SLC16A14: variants seen among roughly 807,000 people sequenced by gnomAD.
The protein encoded by SLC16A14 is solute carrier family 16 member 14.
SLC16A14 carries 14 observed loss-of-function variants against 35.8 expected under a neutral mutation model. The observed-to-expected ratio is 0.39, with a 90% confidence interval of 0.26 to 0.61. SLC16A14 has a LOEUF of 0.61. Among genes scored for constraint, SLC16A14 ranks in the 20% least tolerant of loss-of-function variants. The probability of loss-of-function intolerance (pLI) is 0.51; values close to 1 mark genes in which losing one functional copy is unlikely to be tolerated. For synonymous variants in SLC16A14, 248 were observed against 258.9 expected (o/e 0.96, Z 0.40); for missense variants, 533 against 655.0 (o/e 0.81, Z 2.03).
chr2:230,062,201 C>G (rs1367434678), intron 1 of SLC16A14, among the ~76,000 whole-genome samples: 2 of 152,090 alleles, frequency 1.3e-5, no homozygotes, highest in African/African-American at 4.8e-5. Flanking sequence ...GTGTCAAAGG[C>G]ACTAAGAAGT....
At position 230,046,300 on chromosome 2, in the gene SLC16A14, T is replaced by C; in HGVS notation, c.826A>G (p.Asn276Asp). 2.5e-6 allele frequency: 4 copies of C among 1,614,200 alleles called. No individual in the cohort carries two copies. The South Asian group carries it at 3.3e-5, about 13-fold the overall frequency. ...TTCAGAATCCGGAGGGCACACATGT[T>C]CTTCCTGTGCCCGGCCTGATCGGGG... Reference protein sequence around the residue: ...ECPDQAGHRKNMCALRILKTV... With the variant: ...ECPDQAGHRKDMCALRILKTV... The change falls in exon 4 of 5, where the codon AAC becomes GAC. Residue 276 changes from asparagine (N) to aspartate (D), a missense_variant. Coordinates refer to ENST00000295190, the MANE Select transcript of SLC16A14 (RefSeq NM_152527.5). The surrounding 1 kb of genome is among the most constrained non-coding windows in gnomAD (Gnocchi z 5.0).
Position 230,037,287 on chromosome 2 carries a change from T to C in SLC16A14, c.*93A>G. ...TGACAGTGCCAGTTACCGTACAAAA[T>C]GCTTTCCCACGTCCTGTCATAGGTG... is the stretch of plus-strand genomic sequence containing the variant. On this transcript the variant is annotated 3_prime_UTR_variant, in exon 5 of 5. Coordinates refer to ENST00000295190, the MANE Select transcript of SLC16A14 (RefSeq NM_152527.5). 8.0e-7 allele frequency: 1 copy of C among 1,243,672 alleles called. No homozygotes were observed. Among genetic ancestry groups the C allele is most frequent in the African/African-American group, 1.5e-5 (1 of 65,486 alleles). The allele number at this position is 1,243,672 out of a possible 1,614,324, so 77.0% of individuals were successfully genotyped here. A position where few individuals can be genotyped will look rare whatever the true frequency, so the allele number is the denominator to read the frequency against.
intron 4 of SLC16A14, among the ~76,000 whole-genome samples, chr2:230,042,277 G>T (rs2077567163): frequency 6.6e-6 from 1 of 152,142 alleles, no homozygotes; most frequent in South Asian, 2.1e-4. Flanking sequence ...ATGACTGAGG[G>T]TTGAGTATAA....
In SLC16A14 at chr2:230,059,194, G is replaced by C; in HGVS notation, c.159C>G (p.Ala53=). ...VHILIMGSQM[A]LGVLNVEWLE... ...GCCATTCCACGTTGAGGACACCCAG[G>C]GCCATCTGGGAGCCCATGATGAGGA... The change falls in exon 2 of 5, where the codon GCC becomes GCG. Residue 53 remains alanine (A), a synonymous_variant. Coordinates refer to ENST00000295190, the MANE Select transcript of SLC16A14 (RefSeq NM_152527.5). The C allele has an allele frequency of 6.2e-7, 1 of 1,614,160 alleles. No homozygotes were observed. Among genetic ancestry groups the C allele is most frequent in the Non-Finnish European group, 8.5e-7 (1 of 1,180,034 alleles).
chr2:230,045,096 G>A (rs1386423997), intron 4 of SLC16A14, among the ~76,000 whole-genome samples: 1 of 152,116 alleles, frequency 6.6e-6, no homozygotes, highest in Admixed American at 6.6e-5. Flanking sequence ...AGTATTTCTT[G>A]GTGACAAAAA....
intron 1 of SLC16A14, among the ~76,000 whole-genome samples, chr2:230,067,873 G>C (rs569254693): frequency 1.3e-5 from 2 of 152,286 alleles, no homozygotes; most frequent in African/African-American, 4.8e-5. Context: ...TGCGCGCCCT[G>C]GGTGCGGGAT....
chr2:230,067,405 C>G (rs1314246397), intron 1 of SLC16A14, among the ~76,000 whole-genome samples: 4 of 152,162 alleles, frequency 2.6e-5, no homozygotes, highest in Non-Finnish European at 5.9e-5. Flanking sequence ...TCTGAGCCAT[C>G]AAATGGGAGC....
intron 4 of SLC16A14, among the ~76,000 whole-genome samples, chr2:230,042,055 C>G (rs868147110): frequency 2.0e-5 from 3 of 152,188 alleles, no homozygotes; most frequent in African/African-American, 7.2e-5. Flanking sequence ...AAGAAACCAA[C>G]AAATGCAAAT....
At chr2:230,052,097 T>C (rs1028364196) in intron 2 of SLC16A14, among the ~76,000 whole-genome samples, 2 of 152,034 alleles carry the variant, frequency 1.3e-5, no homozygotes, top group African/African-American at 4.8e-5. Flanking sequence ...CCACCATGCC[T>C]GGCTAATTTT....
chr2:230,037,534 A>G lies in SLC16A14; in HGVS notation c.1382-3T>C. ...TTGCGTGATGTCATAGATCCACCCT[A>G]CAAAACAAAAAAGAATATATTCAGT... is the stretch of plus-strand genomic sequence containing the variant. On this transcript the variant is annotated splice_polypyrimidine_tract_variant and splice_region_variant and intron_variant, in intron 4 of 4. Coordinates refer to ENST00000295190, the MANE Select transcript of SLC16A14 (RefSeq NM_152527.5). 6.3e-7 allele frequency: 1 copy of G among 1,593,996 alleles called. No homozygotes were observed. The highest frequency in any genetic ancestry group is 1.8e-5 in the Admixed American group (1 of 54,246).
intron 2 of SLC16A14, among the ~76,000 whole-genome samples, chr2:230,056,575 C>G (rs1260337553): frequency 6.6e-6 from 1 of 151,820 alleles, no homozygotes; most frequent in African/African-American, 2.4e-5. Context: ...TTTGTATTAT[C>G]AAAAATAACA....
Position 230,045,992 on chromosome 2 carries a change from G to A in SLC16A14, c.1134C>T (p.Cys378=), listed in dbSNP as rs2077602909. 1 of 1,613,752 alleles carries A rather than the reference G, an allele frequency of 6.2e-7. No individual in the cohort carries two copies. The highest frequency in any genetic ancestry group is 8.5e-7 in the Non-Finnish European group (1 of 1,179,736). The part of the protein sequence containing the change: ...VILGVIADLP[C]ISVWNVFLLA... ...ACAGGAAGACATTCCAAACACTAAT[G>A]CAAGGCAAGTCGGCTATGACGCCCA... is the stretch of plus-strand genomic sequence containing the variant. The change falls in exon 4 of 5, where the codon TGC becomes TGT. Residue 378 remains cysteine, a synonymous_variant. Coordinates refer to ENST00000295190, the MANE Select transcript of SLC16A14 (RefSeq NM_152527.5).
intron 1 of SLC16A14, chr2:230,067,208 G>A (rs1206688892): frequency 6.5e-6 from 1 of 154,426 alleles, no homozygotes; most frequent in Non-Finnish European, 1.4e-5. Flanking sequence ...GGCTGCCGCG[G>A]AGAAGGCTGG....
chr2:230,049,631 T>C, intron 3 of SLC16A14, 130 bp downstream of exon 3: 1 of 920,898 alleles, frequency 1.1e-6, no homozygotes, highest in Admixed American at 2.4e-5. Context: ...TAGGGAGGGG[T>C]TGGGGTGAAG....
rs550612460 is a variant in SLC16A14, at chr2:230,054,844, G to A, written c.259+4250C>T. ...CAGGAGGCAGAGGTTGCAGTGAGCC[G>A]AGATCGTGCCACTGCACTCCAGCCT... On this transcript the variant is annotated intron_variant, in intron 2 of 4. Coordinates refer to ENST00000295190, the MANE Select transcript of SLC16A14 (RefSeq NM_152527.5). 2.9e-3 allele frequency among the ~76,000 whole-genome samples: 441 copies of A among 150,844 alleles called. 2 individuals carry two copies. The highest frequency in any genetic ancestry group is 0.018 in the South Asian group (87 of 4,768).
intron 1 of SLC16A14, among the ~76,000 whole-genome samples, chr2:230,064,826 C>A (rs1223291222): frequency 1.3e-5 from 2 of 152,072 alleles, no homozygotes; most frequent in African/African-American, 4.8e-5. Flanking sequence ...GCCTGACCAA[C>A]ATGGAGAAAC....
intron 3 of SLC16A14, among the ~76,000 whole-genome samples, chr2:230,049,139 G>T (rs1018082847): frequency 6.6e-6 from 1 of 150,416 alleles, no homozygotes; most frequent in Non-Finnish European, 1.5e-5. Flanking sequence ...GTGCAATCTT[G>T]GCTCACAGCA....
intron 2 of SLC16A14, among the ~76,000 whole-genome samples, chr2:230,054,518 T>C (rs1335346692): frequency 6.6e-6 from 1 of 152,216 alleles, no homozygotes; most frequent in Non-Finnish European, 1.5e-5. Flanking sequence ...AACACGTGGA[T>C]GACTGTACCC....
chr2:230,066,571 G>A (rs2077796846), intron 1 of SLC16A14: 1 of 409,534 alleles, frequency 2.4e-6, no homozygotes, highest in Admixed American at 3.1e-5. Flanking sequence ...GATCCTTCTA[G>A]GGTGTTTCAG....
Sources: gnomAD v4.1 joint callset for allele counts (sites outside exome capture counted in the v4.1 genomes callset) on GRCh38, gnomAD v4.1.1 for gene constraint, Gnocchi (gnomAD v3.1) non-coding constraint, MANE v1.5 for transcripts, NCBI Gene and HGNC (gene_info 2026-07-23, HGNC 2026-07-21) for gene names.